The following UVRAG variants were observed in gnomAD, a reference collection of about 807,000 sequenced individuals.
UVRAG encodes UV radiation resistance associated, also known as UV radiation resistance-associated gene protein.
UVRAG carries 19 observed loss-of-function variants against 78.0 expected under a neutral mutation model. The observed-to-expected ratio is 0.24, with a 90% CI of 0.17 to 0.36. UVRAG has a LOEUF of 0.36. UVRAG is among the 10% of genes least tolerant of loss of function. The pLI, the probability that UVRAG is intolerant of heterozygous loss-of-function variation, is 1.00. For missense variants in UVRAG, 740 were observed against 853.8 expected, an observed-to-expected ratio of 0.87 and a Z score of 1.66; for synonymous variants, 323 against 324.6, an observed-to-expected ratio of 1.00 and a Z score of 0.05.
intron 6 of UVRAG, among the ~76,000 whole-genome samples, chr11:75,923,491 G>T (rs1295162322): frequency 6.6e-6 from 1 of 152,096 alleles, no homozygotes; most frequent in East Asian, 1.9e-4. Context: ...TCTCTGGATC[G>T]CTGGGAAGAT....
intron 8 of UVRAG, among the ~76,000 whole-genome samples, chr11:75,986,056 G>A (rs916934987): frequency 6.6e-6 from 1 of 152,078 alleles, no homozygotes; most frequent in African/African-American, 2.4e-5. Context: ...AACCTTGCTA[G>A]GATATTTTTT....
intron 13 of UVRAG, among the ~76,000 whole-genome samples, chr11:76,111,805 T>A (rs1952071848): frequency 6.6e-6 from 1 of 151,592 alleles, no homozygotes; most frequent in African/African-American, 2.4e-5. Context: ...GCACTGCCAA[T>A]GCACAGACTT....
intron 2 of UVRAG, among the ~76,000 whole-genome samples, chr11:75,853,330 T>C (rs568353928): frequency 1.3e-5 from 2 of 152,278 alleles, no homozygotes; most frequent in East Asian, 3.9e-4. Context: ...AAGAAACCCC[T>C]TCAGAGTAAA....
At chr11:75,848,031 A>G (rs1034805683) in intron 1 of UVRAG, among the ~76,000 whole-genome samples, 4 of 112,676 alleles carry the variant, frequency 3.6e-5, no homozygotes, top group Non-Finnish European at 7.0e-5. Context: ...CTCTGTCTCT[A>G]AAAAAAAAAA....
intron 2 of UVRAG, among the ~76,000 whole-genome samples, chr11:75,854,866 G>T (rs571659395): frequency 6.6e-6 from 1 of 152,210 alleles, no homozygotes; most frequent in East Asian, 1.9e-4. Context: ...CTCACTAATT[G>T]GTTATATCAC....
In UVRAG at chr11:76,140,846, T is replaced by G. The variant is rs745929197; in HGVS notation, c.1533T>G (p.Asn511Lys). 6.2e-7 allele frequency: 1 copy of G among 1,614,200 alleles called. No individual in the cohort carries two copies. The highest frequency in any genetic ancestry group is 8.5e-7 in the Non-Finnish European group (1 of 1,180,038). ...KGHRKRASSE[N>K]ERLQYKTPPP... is the part of the protein sequence containing the mutation. ...ATCGAAAACGGGCCAGCTCTGAGAATGAGAGACTTCAGTACAAAACCCCTC... is the reference window on the plus strand; with the variant it reads ...ATCGAAAACGGGCCAGCTCTGAGAAGGAGAGACTTCAGTACAAAACCCCTC... Residue 511 changes from asparagine (N) to lysine (K), a missense_variant, in exon 15 of 15, where the codon AAT becomes AAG. Transcript: ENST00000356136.
At chr11:76,065,949 C>G (rs557968506) in intron 13 of UVRAG, among the ~76,000 whole-genome samples, 161 bp downstream of exon 13, 1 of 152,096 alleles carries the variant, frequency 6.6e-6, no homozygotes, top group Admixed American at 6.6e-5. Context: ...AGTCTTTTTC[C>G]GTGCCCTTAA....
intron 12 of UVRAG, among the ~76,000 whole-genome samples, chr11:76,036,841 G>A (rs1950545177): frequency 6.6e-6 from 1 of 151,648 alleles, no homozygotes; most frequent in East Asian, 1.9e-4. Flanking sequence ...AAAGGTAGGT[G>A]GAATAGTCTT....
At chr11:75,898,887 A>G (rs1348211506) in intron 5 of UVRAG, among the ~76,000 whole-genome samples, 4 of 152,178 alleles carry the variant, frequency 2.6e-5, no homozygotes, top group Non-Finnish European at 4.4e-5. Context: ...TAGTCATACT[A>G]ATGGATACTA....
At chr11:76,140,599 A>G in intron 14 of UVRAG, 112 bp from the exon 15 acceptor site, 1 of 1,048,324 alleles carries the variant, frequency 9.5e-7, no homozygotes, top group Non-Finnish European at 1.4e-6. Flanking sequence ...ATTGATTCTT[A>G]TCTATTTTTA....
chr11:76,122,262 G>A (rs1347019028), intron 14 of UVRAG, among the ~76,000 whole-genome samples: 1 of 152,202 alleles, frequency 6.6e-6, no homozygotes, highest in African/African-American at 2.4e-5. Flanking sequence ...AGTGGAGAGT[G>A]GATCTGGAGC....
At chr11:76,124,512 TTTG>T (rs1952350265) in intron 14 of UVRAG, among the ~76,000 whole-genome samples, 1 of 152,224 alleles carries the variant, frequency 6.6e-6, no homozygotes, top group African/African-American at 2.4e-5. Flanking sequence ...GCCAACTTAT[TTTG>T]TTTTAGGGCC....
intron 3 of UVRAG, among the ~76,000 whole-genome samples, chr11:75,873,743 A>C (rs1023578756): frequency 6.6e-6 from 1 of 152,190 alleles, no homozygotes; most frequent in African/African-American, 2.4e-5. Context: ...CCTGTAGTTC[A>C]TGTTAAATTA....
At chr11:76,136,025 C>T (rs11236621) in intron 14 of UVRAG, among the ~76,000 whole-genome samples, 1 of 152,154 alleles carries the variant, frequency 6.6e-6, no homozygotes, top group Non-Finnish European at 1.5e-5. Context: ...ATTAGTAAAT[C>T]TATGAGTTTC....
intron 6 of UVRAG, among the ~76,000 whole-genome samples, chr11:75,935,537 G>T (rs1387800547): frequency 6.6e-6 from 1 of 152,014 alleles, no homozygotes; most frequent in East Asian, 1.9e-4. Flanking sequence ...TTAAAAGATT[G>T]GACAGGCTGC....
At chr11:75,889,793 A>C (rs766152861) in intron 5 of UVRAG, among the ~76,000 whole-genome samples, 1 of 152,238 alleles carries the variant, frequency 6.6e-6, no homozygotes, top group Non-Finnish European at 1.5e-5. Context: ...TATATATGCA[A>C]GAGGCAAACA....
At chr11:76,090,323 T>C (rs968103539) in intron 13 of UVRAG, among the ~76,000 whole-genome samples, 2 of 152,190 alleles carry the variant, frequency 1.3e-5, no homozygotes, top group Non-Finnish European at 2.9e-5. Context: ...TGTATACATA[T>C]TAGCCTACTA....
intron 1 of UVRAG, among the ~76,000 whole-genome samples, chr11:75,818,618 A>G (rs1945317603): frequency 6.6e-6 from 1 of 151,770 alleles, no homozygotes; most frequent in Admixed American, 6.6e-5. Context: ...AGCTGGGATT[A>G]CAAGCACCTG....
intron 2 of UVRAG, among the ~76,000 whole-genome samples, chr11:75,853,508 A>G (rs556010662): frequency 6.6e-6 from 1 of 151,794 alleles, no homozygotes; most frequent in African/African-American, 2.4e-5. Context: ...TTACGGGCAC[A>G]TGCCACCACG....
Sources: allele counts gnomAD v4.1 joint callset (sites outside exome capture counted in the v4.1 genomes callset), GRCh38; gene constraint gnomAD v4.1.1; transcripts MANE v1.5; gene names NCBI Gene and HGNC (gene_info 2026-07-23, HGNC 2026-07-21).